Variants in EPHA6 observed in about 807,000 individuals in gnomAD.
The protein encoded by EPHA6 is ephrin type-A receptor 6.
Under a neutral mutation model 112.0 loss-of-function variants are expected in EPHA6, and 50 were observed. The ratio of observed to expected loss-of-function variants is 0.45; its 90% CI spans 0.36 to 0.56. The LOEUF (loss-of-function observed/expected upper bound fraction) is 0.56, where lower values mean the gene tolerates loss of function less well. Ranked by LOEUF, EPHA6 falls within the 20% of genes least tolerant of loss-of-function variation. The pLI, the probability that EPHA6 is intolerant of heterozygous loss-of-function variation, is 0.00. For synonymous variants in EPHA6, 529 were observed against 490.7 expected (o/e 1.08, Z -1.03); for missense variants, 1,280 against 1,417.4 (o/e 0.90, Z 1.56).
intron 1 of EPHA6, among the ~76,000 whole-genome samples, chr3:96,830,169 A>C (rs2033968998): frequency 6.6e-6 from 1 of 152,144 alleles, no homozygotes; most frequent in Admixed American, 6.6e-5. Context: ...TATTCTGAAT[A>C]TAACTTGCTT....
chr3:97,614,362 G>T (rs2093745864), intron 13 of EPHA6, among the ~76,000 whole-genome samples: 1 of 143,208 alleles, frequency 7.0e-6, no homozygotes, highest in Non-Finnish European at 1.5e-5. Context: ...TTGAGACAGA[G>T]TCTTGCTCTG....
chr3:97,306,430 C>T (rs1006678972), intron 5 of EPHA6, among the ~76,000 whole-genome samples: 1 of 151,572 alleles, frequency 6.6e-6, no homozygotes, highest in Non-Finnish European at 1.5e-5. Context: ...CTGGGAAGAC[C>T]CCAGCAGGGA....
intron 11 of EPHA6, among the ~76,000 whole-genome samples, chr3:97,547,267 T>C (rs992718985): frequency 6.6e-6 from 1 of 152,202 alleles, no homozygotes; most frequent in Non-Finnish European, 1.5e-5. Context: ...TTCTGTTTTT[T>C]AGTTTTCCTT....
intron 6 of EPHA6, among the ~76,000 whole-genome samples, chr3:97,432,219 A>G (rs949910143): frequency 6.6e-6 from 1 of 152,136 alleles, no homozygotes; most frequent in Admixed American, 6.5e-5. Flanking sequence ...AGATTAATTT[A>G]CTAAACAACA....
chr3:96,975,920 T>G (rs1483198679), intron 2 of EPHA6, among the ~76,000 whole-genome samples: 1 of 152,184 alleles, frequency 6.6e-6, no homozygotes, highest in Non-Finnish European at 1.5e-5. Flanking sequence ...TAGTATTTTA[T>G]TGTAAGTTCT....
intron 11 of EPHA6, among the ~76,000 whole-genome samples, chr3:97,579,964 G>T (rs1018794961): frequency 2.0e-5 from 3 of 152,100 alleles, no homozygotes; most frequent in African/African-American, 4.8e-5. Flanking sequence ...ATAATACTTT[G>T]AAAGCGATAA....
rs117405136 is a variant in EPHA6, at chr3:97,219,866, C to G, written c.1115-6398C>G. 0.01 allele frequency among the ~76,000 whole-genome samples: 1,573 copies of G among 152,218 alleles called. 92 individuals carry two copies. In the East Asian group the frequency reaches 0.19, roughly 19 times the overall value. On this transcript the variant is annotated intron_variant, in intron 3 of 17. Transcript: ENST00000389672. ...TTCCAAAATTTTATGCTCTACTTCCCTTTTAAACGTAAGTTCTAATTTCAA... is the reference window on the plus strand; with the variant it reads ...TTCCAAAATTTTATGCTCTACTTCCGTTTTAAACGTAAGTTCTAATTTCAA...
At chr3:96,911,168 GT>G (rs1331007587) in intron 2 of EPHA6, among the ~76,000 whole-genome samples, 19 of 151,950 alleles carry the variant, frequency 1.3e-4, no homozygotes. Context: ...AGTTTTACAA[GT>G]TTTCTGTTTA....
chr3:97,181,351 G>C (rs1576631138), intron 3 of EPHA6, among the ~76,000 whole-genome samples: 1 of 151,910 alleles, frequency 6.6e-6, no homozygotes, highest in Non-Finnish European at 1.5e-5. Flanking sequence ...CTGATTTTTG[G>C]TTCTTATGAA....
At chr3:97,339,075 C>A (rs1274866767) in intron 5 of EPHA6, among the ~76,000 whole-genome samples, 1 of 152,168 alleles carries the variant, frequency 6.6e-6, no homozygotes, top group Non-Finnish European at 1.5e-5. Flanking sequence ...TGACCTCTCA[C>A]CATCTTCAGT....
chr3:97,615,965 CA>C lies in EPHA6; in HGVS notation c.2574+5117del, dbSNP rs557209911. 1.7e-3 allele frequency among the ~76,000 whole-genome samples: 264 copies of C among 152,264 alleles called. 1 individual carries two copies. The highest frequency in any genetic ancestry group is 2.5e-3 in the Non-Finnish European group (168 of 68,024). On this transcript the variant is annotated intron_variant, in intron 13 of 17. Coordinates refer to ENST00000389672, the MANE Select transcript of EPHA6 (RefSeq NM_001080448.3). ...ACCCCAGCAGGACACAGCTACTCTA[CA>C]AAAAAGTGACTAGACTGCTTCTTGA...
chr3:96,940,963 G>A (rs1407204429), intron 2 of EPHA6, among the ~76,000 whole-genome samples: 3 of 152,204 alleles, frequency 2.0e-5, no homozygotes, highest in Non-Finnish European at 2.9e-5. Flanking sequence ...TCTGCCGAGA[G>A]ATCAGCTGTT....
chr3:96,873,842 ATG>A (rs2036782977), intron 2 of EPHA6, among the ~76,000 whole-genome samples: 2 of 152,102 alleles, frequency 1.3e-5, no homozygotes, highest in African/African-American at 4.8e-5. Context: ...CAGATTATTA[ATG>A]TGTCATGAGT....
chr3:97,496,237 C>A (rs917294152), intron 10 of EPHA6, among the ~76,000 whole-genome samples: 1 of 152,062 alleles, frequency 6.6e-6, no homozygotes, highest in African/African-American at 2.4e-5. Flanking sequence ...TCTCTTCCTG[C>A]CAAAATCTTT....
chr3:96,898,566 A>T (rs7651895), intron 2 of EPHA6, among the ~76,000 whole-genome samples: 10,538 of 152,182 alleles, frequency 0.069, 720 homozygotes, highest in Admixed American at 0.21. Context: ...TGACTAATAC[A>T]TCTTTGTGTA....
chr3:97,332,797 C>G (rs558152963), intron 5 of EPHA6, among the ~76,000 whole-genome samples: 1 of 151,814 alleles, frequency 6.6e-6, no homozygotes, highest in East Asian at 2.0e-4. Context: ...TTTCTGGATT[C>G]TCTATTCTGT....
intron 14 of EPHA6, among the ~76,000 whole-genome samples, chr3:97,696,916 A>G (rs565499286): frequency 1.3e-5 from 2 of 152,312 alleles, no homozygotes; most frequent in East Asian, 3.9e-4. Context: ...GCTCTTTGCG[A>G]TACATAATTG....
At chr3:97,573,124 C>G (rs2093350818) in intron 11 of EPHA6, among the ~76,000 whole-genome samples, 1 of 152,148 alleles carries the variant, frequency 6.6e-6, no homozygotes, top group Non-Finnish European at 1.5e-5. Context: ...ATGCTAAACT[C>G]TTATTGCAGC....
chr3:97,489,744 G>T (rs2091791655), intron 10 of EPHA6, among the ~76,000 whole-genome samples: 1 of 151,246 alleles, frequency 6.6e-6, no homozygotes, highest in Admixed American at 6.6e-5. Flanking sequence ...GGTTATATTT[G>T]TCAGGGAATG....
Sources: allele counts gnomAD v4.1 joint callset (sites outside exome capture counted in the v4.1 genomes callset), GRCh38; gene constraint gnomAD v4.1.1; transcripts MANE v1.5; gene names NCBI Gene and HGNC (gene_info 2026-07-23, HGNC 2026-07-21).